Variants in CHIC2 observed in about 807,000 individuals in gnomAD.
CHIC2 encodes the protein cysteine-rich hydrophobic domain-containing protein 2.
CHIC2 carries 14 observed loss-of-function variants against 25.9 expected under a neutral mutation model. That is an observed-to-expected ratio of 0.54 (90% CI 0.36 to 0.85). The LOEUF (loss-of-function observed/expected upper bound fraction) is 0.85, where lower values mean the gene tolerates loss of function less well. Among genes scored for constraint, CHIC2 ranks in the 40% least tolerant of loss-of-function variants. CHIC2 has a pLI of 0.01. For synonymous variants in CHIC2, 70 were observed against 72.0 expected, an observed-to-expected ratio of 0.97 and a Z score of 0.14; for missense variants, 146 against 202.0, an observed-to-expected ratio of 0.72 and a Z score of 1.68.
intron 1 of CHIC2, among the ~76,000 whole-genome samples, chr4:54,063,856 G>T (rs1446894625): frequency 6.6e-6 from 1 of 152,190 alleles, no homozygotes; most frequent in Non-Finnish European, 1.5e-5. Flanking sequence ...AAACAAGGAG[G>T]CTCCCTGTCA....
intron 1 of CHIC2, chr4:54,060,433 G>A (rs886936846): frequency 3.9e-5 from 6 of 152,190 alleles, no homozygotes; most frequent in South Asian, 4.1e-4. Context: ...ACAAACCTCA[G>A]CAAAATAACT....
In CHIC2 at chr4:54,064,580, C is replaced by G. The variant is rs1717455161; in HGVS notation, c.-280G>C. The stretch of plus-strand genomic sequence containing the variant: ...ACAAGCACAGACGCCGCTGCCGCCG[C>G]CGCAGCAGCAGCAACTCAGGAAACC... On this transcript the variant is annotated 5_prime_UTR_variant, in exon 1 of 6. Transcript: ENST00000263921. This position sits in a 1 kb window ranked among gnomAD's most constrained non-coding sequence, Gnocchi z 4.2. 3 of 1,256,446 alleles carry G rather than the reference C, an allele frequency of 2.4e-6. No individual in the cohort carries two copies. The highest frequency in any genetic ancestry group is 3.0e-6 in the Non-Finnish European group (3 of 999,512). The allele number at this position is 1,256,446 out of a possible 1,614,324, so 77.8% of individuals were successfully genotyped here.
At chr4:54,039,217 AT>A (rs916096947) in intron 3 of CHIC2, among the ~76,000 whole-genome samples, 26 of 151,600 alleles carry the variant, frequency 1.7e-4, no homozygotes, top group African/African-American at 6.0e-4. Context: ...AGTACAATCT[AT>A]TTTTTTTTAA....
At chr4:54,087,201 C>T in the CHIC2 span, 1 of 670,142 alleles carries the variant, frequency 1.5e-6, no homozygotes. Context: ...ACCAGCAAAG[C>T]ACCTCAGACC....
At chr4:54,016,709 A>G (rs890223719) in intron 3 of CHIC2, among the ~76,000 whole-genome samples, 8 of 152,060 alleles carry the variant, frequency 5.3e-5, no homozygotes, top group African/African-American at 1.9e-4. Context: ...TTAATTAATC[A>G]TTGCACTTGA....
intron 3 of CHIC2, among the ~76,000 whole-genome samples, chr4:54,043,706 A>C (rs1716671006): frequency 6.6e-6 from 1 of 152,242 alleles, no homozygotes. Flanking sequence ...AACATGCCAA[A>C]TTGTAAAGAC....
chr4:54,019,805 A>G (rs1715843654), intron 3 of CHIC2, among the ~76,000 whole-genome samples: 1 of 152,092 alleles, frequency 6.6e-6, no homozygotes, highest in Non-Finnish European at 1.5e-5. Flanking sequence ...TGGTTTCAAT[A>G]ATCTAGTCAA....
At chr4:54,073,626 C>A in the CHIC2 span, among the ~76,000 whole-genome samples, 1 of 152,120 alleles carries the variant, frequency 6.6e-6, no homozygotes, top group Non-Finnish European at 1.5e-5. Context: ...ATCTTGACTG[C>A]AACCCCAGAC....
At chr4:54,025,633 C>T (rs142733188) in intron 3 of CHIC2, among the ~76,000 whole-genome samples, 49 of 151,956 alleles carry the variant, frequency 3.2e-4, no homozygotes, top group Non-Finnish European at 6.0e-4. Flanking sequence ...CCGAGAAGGG[C>T]GGATCACTTG....
intron 3 of CHIC2, among the ~76,000 whole-genome samples, chr4:54,026,351 C>T (rs1392675233): frequency 6.6e-6 from 1 of 151,992 alleles, no homozygotes; most frequent in African/African-American, 2.4e-5. Context: ...GAAACCCCAA[C>T]TCTACTAAAA....
upstream of CHIC2, among the ~76,000 whole-genome samples, chr4:54,068,365 G>A (rs1280162197): frequency 2.0e-5 from 3 of 152,106 alleles, no homozygotes; most frequent in African/African-American, 7.2e-5. Flanking sequence ...GCCCCAGAGA[G>A]CTGGTTTGCC....
chr4:54,060,437 A>G (rs187368868), intron 1 of CHIC2: 2 of 152,244 alleles, frequency 1.3e-5, no homozygotes, highest in East Asian at 3.9e-4. Context: ...ACCTCAGCAA[A>G]ATAACTTGGC....
chr4:54,062,832 A>G (rs1411782522), intron 1 of CHIC2, among the ~76,000 whole-genome samples: 1 of 152,132 alleles, frequency 6.6e-6, no homozygotes, highest in African/African-American at 2.4e-5. Context: ...CAGGTTATGA[A>G]TTCTGTGATA....
chr4:54,069,541 T>TA (rs1419628362), upstream of CHIC2, among the ~76,000 whole-genome samples: 1 of 152,216 alleles, frequency 6.6e-6, no homozygotes, highest in Non-Finnish European at 1.5e-5. Flanking sequence ...TTCAGGGTTT[T>TA]ATGGGGCTTC....
chr4:54,015,927 C>T (rs931272445), intron 3 of CHIC2, among the ~76,000 whole-genome samples: 2 of 152,212 alleles, frequency 1.3e-5, no homozygotes, highest in Non-Finnish European at 2.9e-5. Context: ...TGAAAGGCTA[C>T]TCTATCAATG....
intron 3 of CHIC2, among the ~76,000 whole-genome samples, chr4:54,031,368 A>G (rs536527606): frequency 2.6e-5 from 4 of 152,050 alleles, no homozygotes; most frequent in Non-Finnish European, 5.9e-5. Flanking sequence ...AGTAAGCACC[A>G]TATCTTATGC....
intron 1 of CHIC2, among the ~76,000 whole-genome samples, chr4:54,053,352 T>G (rs958669352): frequency 6.6e-6 from 1 of 151,898 alleles, no homozygotes; most frequent in Non-Finnish European, 1.5e-5. Flanking sequence ...AGGTCAGGAG[T>G]TCGAGACCAA....
At chr4:54,017,377 A>T (rs1715768149) in intron 3 of CHIC2, among the ~76,000 whole-genome samples, 1 of 152,194 alleles carries the variant, frequency 6.6e-6, no homozygotes, top group African/African-American at 2.4e-5. Context: ...GCCAGTTTCT[A>T]AAAAAATAAG....
intron 3 of CHIC2, among the ~76,000 whole-genome samples, chr4:54,016,692 G>A (rs971056117): frequency 1.3e-5 from 2 of 151,990 alleles, no homozygotes; most frequent in South Asian, 2.1e-4. Context: ...GCACTTGCAC[G>A]TGCAGCTTAA....
Sources: allele counts gnomAD v4.1 joint callset (sites outside exome capture counted in the v4.1 genomes callset), GRCh38; gene constraint gnomAD v4.1.1; non-coding constraint Gnocchi (gnomAD v3.1); transcripts MANE v1.5; gene names NCBI Gene and HGNC (gene_info 2026-07-23, HGNC 2026-07-21).